GALNT13: variants seen among roughly 807,000 people sequenced by gnomAD.
GALNT13 encodes the protein polypeptide N-acetylgalactosaminyltransferase 13.
GALNT13 carries 28 observed loss-of-function variants against 64.2 expected under a neutral mutation model. The observed-to-expected ratio is 0.44, with a 90% CI of 0.32 to 0.60. The LOEUF is 0.60. Among genes scored for constraint, GALNT13 ranks in the 20% least tolerant of loss-of-function variants. GALNT13 has a pLI of 0.05. For synonymous variants in GALNT13, 214 were observed against 224.6 expected (o/e 0.95, Z 0.42); for missense variants, 577 against 669.8 (o/e 0.86, Z 1.53).
chr2:153,859,871 G>C, the GALNT13 span, among the ~76,000 whole-genome samples: 1 of 152,110 alleles, frequency 6.6e-6, no homozygotes, highest in Admixed American at 6.5e-5. Flanking sequence ...TTAATAGTCA[G>C]AATAATTGGC....
intron 3 of GALNT13, among the ~76,000 whole-genome samples, chr2:154,073,555 G>A (rs1700844914): frequency 6.6e-6 from 1 of 151,872 alleles, no homozygotes; most frequent in Admixed American, 6.6e-5. Context: ...TTTGAAATGT[G>A]TAAAAATTTG....
the GALNT13 span, among the ~76,000 whole-genome samples, chr2:153,294,931 G>C: frequency 5.3e-5 from 8 of 152,108 alleles, no homozygotes; most frequent in African/African-American, 1.7e-4. Context: ...AAGAACAAAA[G>C]AATATCAAAG....
At chr2:153,502,599 A>T in the GALNT13 span, among the ~76,000 whole-genome samples, 2 of 152,220 alleles carry the variant, frequency 1.3e-5, no homozygotes, top group East Asian at 3.9e-4. Context: ...CTCTGGGTAG[A>T]TACCTAGTAG....
chr2:153,238,172 T>A, the GALNT13 span, among the ~76,000 whole-genome samples: 12,674 of 152,130 alleles, frequency 0.083, 588 homozygotes, highest in South Asian at 0.12. Flanking sequence ...TGCTCATTTT[T>A]AAATCTGATT....
the GALNT13 span, among the ~76,000 whole-genome samples, chr2:153,100,225 A>T: frequency 6.6e-6 from 1 of 152,144 alleles, no homozygotes; most frequent in Non-Finnish European, 1.5e-5. Context: ...AAACTTTCAG[A>T]CTCTAACTGC....
At chr2:153,275,462 C>T in the GALNT13 span, among the ~76,000 whole-genome samples, 11 of 152,086 alleles carry the variant, frequency 7.2e-5, no homozygotes, top group African/African-American at 1.2e-4. Context: ...TTTTGCCCTA[C>T]TGCCTTTCAC....
intron 2 of GALNT13, among the ~76,000 whole-genome samples, chr2:153,942,149 T>C (rs16824445): frequency 6.6e-6 from 1 of 151,990 alleles, no homozygotes; most frequent in African/African-American, 2.4e-5. Flanking sequence ...AACGATTTTT[T>C]AAATTCTTTA....
intron 9 of GALNT13, among the ~76,000 whole-genome samples, chr2:154,379,564 G>A (rs1410490929): frequency 1.3e-5 from 2 of 151,932 alleles, no homozygotes; most frequent in Non-Finnish European, 2.9e-5. Flanking sequence ...AACTTTAAAA[G>A]TAAATTATCT....
the GALNT13 span, among the ~76,000 whole-genome samples, chr2:153,417,111 A>G: frequency 6.6e-6 from 1 of 152,198 alleles, no homozygotes; most frequent in Non-Finnish European, 1.5e-5. Context: ...AAGCACACAA[A>G]GAGGATATCT....
At chr2:154,149,775 T>G (rs757506353) in intron 4 of GALNT13, among the ~76,000 whole-genome samples, 32 of 152,284 alleles carry the variant, frequency 2.1e-4, no homozygotes, top group Middle Eastern at 3.4e-3. Context: ...GTACATTGAT[T>G]TTGTATCCTG....
At chr2:154,346,701 C>T (rs1696088753) in intron 9 of GALNT13, among the ~76,000 whole-genome samples, 1 of 152,060 alleles carries the variant, frequency 6.6e-6, no homozygotes, top group African/African-American at 2.4e-5. Flanking sequence ...TCAGATATGT[C>T]TTTATTAGCA....
the GALNT13 span, among the ~76,000 whole-genome samples, chr2:153,793,909 A>G: frequency 9.9e-4 from 150 of 152,280 alleles, no homozygotes; most frequent in Admixed American, 9.7e-3. Flanking sequence ...CAATGATGCA[A>G]TCTCCCACAG....
At chr2:154,161,446 A>G (rs1000714264) in intron 4 of GALNT13, among the ~76,000 whole-genome samples, 7 of 152,104 alleles carry the variant, frequency 4.6e-5, no homozygotes, top group African/African-American at 1.7e-4. Flanking sequence ...GCATTGTGGT[A>G]GGAGTAGGGA....
chr2:153,975,196 C>A (rs72993640), intron 3 of GALNT13, among the ~76,000 whole-genome samples: 8,459 of 152,032 alleles, frequency 0.056, 349 homozygotes, highest in South Asian at 0.13. Context: ...CATCTCTTGG[C>A]CTTCTTATCA....
At chr2:153,313,342 A>T in the GALNT13 span, among the ~76,000 whole-genome samples, 33 of 152,226 alleles carry the variant, frequency 2.2e-4, no homozygotes, top group African/African-American at 7.5e-4. Context: ...TGTAGTACAT[A>T]TACACCATGA....
At chr2:154,339,966 C>G (rs1042283863) in intron 9 of GALNT13, among the ~76,000 whole-genome samples, 1 of 152,204 alleles carries the variant, frequency 6.6e-6, no homozygotes, top group Middle Eastern at 3.4e-3. Flanking sequence ...TTTTCTACCA[C>G]AGAGGTATTT....
At chr2:153,803,958 G>A in the GALNT13 span, among the ~76,000 whole-genome samples, 1 of 152,050 alleles carries the variant, frequency 6.6e-6, no homozygotes, top group African/African-American at 2.4e-5. Context: ...TGAACAAATA[G>A]AATTAATCCC....
the GALNT13 span, among the ~76,000 whole-genome samples, chr2:153,216,833 G>A: frequency 6.6e-6 from 1 of 151,500 alleles, no homozygotes; most frequent in Non-Finnish European, 1.5e-5. Context: ...TTTTTCTTTT[G>A]TTGGTCATGT....
At chr2:154,370,170 G>C (rs1327058831) in intron 9 of GALNT13, among the ~76,000 whole-genome samples, 1 of 152,052 alleles carries the variant, frequency 6.6e-6, no homozygotes, top group Non-Finnish European at 1.5e-5. Flanking sequence ...TCTCATTGAA[G>C]ATAATAAGGC....
Sources: gnomAD v4.1 joint callset for allele counts (sites outside exome capture counted in the v4.1 genomes callset) on GRCh38, gnomAD v4.1.1 for gene constraint, MANE v1.5 for transcripts, NCBI Gene and HGNC (gene_info 2026-07-23, HGNC 2026-07-21) for gene names.